TNFAIP6: variants seen among roughly 807,000 people sequenced by gnomAD.
The protein encoded by TNFAIP6 is TNF alpha induced protein 6.
TNFAIP6 carries 36 observed loss-of-function variants against 33.7 expected under a neutral mutation model. That is an observed-to-expected ratio of 1.07 (90% CI 0.82 to 1.41). The LOEUF is 1.41. Among genes scored for constraint, TNFAIP6 ranks in the 40% most tolerant of loss-of-function variants. The probability of loss-of-function intolerance (pLI) is 0.00; values close to 1 mark genes in which losing one functional copy is unlikely to be tolerated. For missense variants in TNFAIP6, 273 were observed against 331.9 expected (o/e 0.82, Z 1.38); for synonymous variants, 113 against 112.8 (o/e 1.00, Z -0.01).
chr2:151,368,951 G>A (rs933998977), intron 3 of TNFAIP6, among the ~76,000 whole-genome samples: 1 of 152,178 alleles, frequency 6.6e-6, no homozygotes, highest in African/African-American at 2.4e-5. Flanking sequence ...CCAACACTTT[G>A]GGAAGCTGAG....
chr2:151,376,693 A>G (rs972627805), intron 5 of TNFAIP6, among the ~76,000 whole-genome samples: 3 of 151,988 alleles, frequency 2.0e-5, no homozygotes. Context: ...GTATGGATAT[A>G]CTGTAATTTG....
intron 2 of TNFAIP6, among the ~76,000 whole-genome samples, chr2:151,364,971 A>G (rs1476639138): frequency 6.6e-6 from 1 of 152,136 alleles, no homozygotes; most frequent in African/African-American, 2.4e-5. Context: ...GACAGATACT[A>G]AAACAGCCTC....
Position 151,359,127 on chromosome 2 carries a change from C to T in TNFAIP6, c.94+1367C>T, listed in dbSNP as rs548898298. On this transcript the variant is annotated intron_variant, in intron 1 of 5. Coordinates refer to ENST00000243347, the MANE Select transcript of TNFAIP6 (RefSeq NM_007115.4). ...AAATTCAAACGTCTATTAATGTATG[C>T]TACAAATCTGAGGGTCAGGATAATT... Among the ~76,000 whole-genome samples, 385 of 152,266 alleles carry T rather than the reference C, an allele frequency of 2.5e-3. 1 individual carries two copies. Among genetic ancestry groups the T allele is most frequent in the Middle Eastern group, 6.8e-3 (2 of 294 alleles).
intron 1 of TNFAIP6, among the ~76,000 whole-genome samples, chr2:151,359,949 A>T (rs1429766054): frequency 6.6e-6 from 1 of 152,232 alleles, no homozygotes; most frequent in Non-Finnish European, 1.5e-5. Context: ...ATGGATCATG[A>T]GAATAAAAAA....
intron 3 of TNFAIP6, chr2:151,368,540 T>A (rs183860688): frequency 1.3e-5 from 2 of 152,004 alleles, no homozygotes; most frequent in Non-Finnish European, 2.9e-5. Context: ...TTGTTTTATA[T>A]GTGTTTGTTT....
At chr2:151,368,980 G>C (rs1476160243) in intron 3 of TNFAIP6, among the ~76,000 whole-genome samples, 1 of 152,142 alleles carries the variant, frequency 6.6e-6, no homozygotes, top group Non-Finnish European at 1.5e-5. Flanking sequence ...ATCACCAGAG[G>C]TCAGGAGTTC....
chr2:151,374,556 C>T (rs1360716057), intron 5 of TNFAIP6, among the ~76,000 whole-genome samples: 2 of 152,312 alleles, frequency 1.3e-5, no homozygotes, highest in Middle Eastern at 3.4e-3. Flanking sequence ...TACTCCCACA[C>T]CCCAGCCTTT....
At chr2:151,372,722 C>A (rs915043366) in intron 4 of TNFAIP6, among the ~76,000 whole-genome samples, 5 of 152,140 alleles carry the variant, frequency 3.3e-5, no homozygotes, top group Non-Finnish European at 7.4e-5. Context: ...GAGTTTGCGA[C>A]CAGCCTGGCC....
intron 5 of TNFAIP6, 74 bp downstream of exon 5, chr2:151,373,663 T>A: frequency 1.4e-6 from 1 of 700,570 alleles, no homozygotes; most frequent in Non-Finnish European, 2.2e-6. Flanking sequence ...GGGACACTGT[T>A]AAATAGTAAA....
In TNFAIP6 at chr2:151,370,808, G is replaced by A. The variant is rs573637287; in HGVS notation, c.623+560G>A. ...TATAGGGCCGGGCACGGTGTCTCAC[G>A]CCTGTAATCCACACCACTTTGGGAG... On this transcript the variant is annotated intron_variant, in intron 4 of 5. Transcript: ENST00000243347. Among the ~76,000 whole-genome samples, 39 of 152,268 alleles carry A rather than the reference G, an allele frequency of 2.6e-4. No individual in the cohort carries two copies. The East Asian group carries it at 4.2e-3, about 17-fold the overall frequency.
intron 1 of TNFAIP6, among the ~76,000 whole-genome samples, 171 bp from the exon 2 acceptor site, chr2:151,363,771 AT>A (rs1684667042): frequency 1.3e-5 from 2 of 152,092 alleles, no homozygotes; most frequent in South Asian, 4.1e-4. Context: ...CCTCATTCAG[AT>A]TTTTCCCCAA....
At chr2:151,381,237 C>T (rs1351400120), downstream of TNFAIP6, among the ~76,000 whole-genome samples, 1 of 151,908 alleles carries the variant, frequency 6.6e-6, no homozygotes, top group Non-Finnish European at 1.5e-5. Context: ...TTTGGAAGGC[C>T]GAGGCAGAGG....
At chr2:151,376,217 G>C (rs1411230858) in intron 5 of TNFAIP6, among the ~76,000 whole-genome samples, 1 of 152,080 alleles carries the variant, frequency 6.6e-6, no homozygotes, top group Non-Finnish European at 1.5e-5. Context: ...CTGCACGCTA[G>C]CCTGGGCAAC....
chr2:151,363,910 A>G, intron 1 of TNFAIP6, 33 bp from the exon 2 acceptor site: 1 of 1,608,378 alleles, frequency 6.2e-7, no homozygotes, highest in Non-Finnish European at 8.5e-7. Context: ...AGAAGGAACA[A>G]CAGTGCTTTT....
intron 4 of TNFAIP6, among the ~76,000 whole-genome samples, chr2:151,370,770 C>G (rs896532789): frequency 8.5e-5 from 13 of 152,082 alleles, no homozygotes; most frequent in African/African-American, 2.9e-4. Context: ...TTTCTTACAA[C>G]CTTAAAAATG....
At position 151,357,685 on chromosome 2, in the gene TNFAIP6, T is replaced by C; in HGVS notation, c.19T>C (p.Leu7=). The C allele has an allele frequency of 6.2e-7, 1 of 1,610,930 alleles. No individual in the cohort carries two copies. Among genetic ancestry groups the C allele is most frequent in the Non-Finnish European group, 8.5e-7 (1 of 1,177,190 alleles). Residue 7 remains leucine, a synonymous_variant, in exon 1 of 6, where the codon TTA becomes CTA. Coordinates refer to ENST00000243347, the MANE Select transcript of TNFAIP6 (RefSeq NM_007115.4). The part of the protein sequence containing the change: MIILIY[L]FLLLWEDTQG... ...TGACGATATGATCATCTTAATTTAC[T>C]TATTTCTCTTGCTATGGGAAGACAC... is the stretch of plus-strand genomic sequence containing the variant.
chr2:151,370,114 G>A lies in TNFAIP6; in HGVS notation c.489G>A (p.Trp163Ter). ...NEYEDNQICY[W>*]HIRLKYGQRI... Reference sequence around the variant, plus strand: ...ACGAAGATAACCAAATCTGCTACTGGCACATTAGACTCAAGTATGGTCAGC... The same window carrying A: ...ACGAAGATAACCAAATCTGCTACTGACACATTAGACTCAAGTATGGTCAGC... The change falls in exon 4 of 6, where the codon TGG (tryptophan) becomes TGA (stop). Residue 163 changes from tryptophan to a stop codon, truncating the protein, a stop_gained. Coordinates refer to ENST00000243347, the MANE Select transcript of TNFAIP6 (RefSeq NM_007115.4). LOFTEE classifies it high-confidence loss of function. 1 of 1,613,998 alleles carries A rather than the reference G, an allele frequency of 6.2e-7. No homozygotes were observed. Among genetic ancestry groups the A allele is most frequent in the Non-Finnish European group, 8.5e-7 (1 of 1,179,984 alleles).
chr2:151,366,019 TTA>T lies in TNFAIP6; in HGVS notation c.233-36_233-35del, dbSNP rs756337005. 5.5e-4 allele frequency: 891 copies of T among 1,605,718 alleles called. 4 individuals are homozygous for T. The South Asian group carries it at 5.9e-3, about 11-fold the overall frequency. On this transcript the variant is annotated intron_variant, in intron 2 of 5. Coordinates refer to ENST00000243347, the MANE Select transcript of TNFAIP6 (RefSeq NM_007115.4). ...ATGACTTTTGCTTAGCCAAGACAGTTTACCTGTTTAGTCCATAACTCTTTTTC... is the reference window on the plus strand; with the variant it reads ...ATGACTTTTGCTTAGCCAAGACAGTTCCTGTTTAGTCCATAACTCTTTTTC...
chr2:151,371,597 T>C (rs1558900617), intron 4 of TNFAIP6, among the ~76,000 whole-genome samples: 2 of 151,680 alleles, frequency 1.3e-5, no homozygotes. Context: ...TTTTTTCTTT[T>C]TTTTTTTCTT....
Sources: gnomAD v4.1 joint callset for allele counts (sites outside exome capture counted in the v4.1 genomes callset) on GRCh38, gnomAD v4.1.1 for gene constraint, MANE v1.5 for transcripts, NCBI Gene and HGNC (gene_info 2026-07-23, HGNC 2026-07-21) for gene names.